CLEC3B: variants seen among roughly 807,000 people sequenced by gnomAD.
CLEC3B encodes tetranectin.
Under a neutral mutation model 15.4 loss-of-function variants are expected in CLEC3B, and 13 were observed. The observed-to-expected ratio is 0.84, with a 90% CI of 0.55 to 1.34. The LOEUF is 1.34. CLEC3B is among the 40% of genes most tolerant of loss of function. The probability of loss-of-function intolerance (pLI) is 0.00; values close to 1 mark genes in which losing one functional copy is unlikely to be tolerated. For synonymous variants in CLEC3B, 112 were observed against 114.7 expected (o/e 0.98, Z 0.15); for missense variants, 242 against 268.6 (o/e 0.90, Z 0.69).
chr3:45,026,846 A>C (rs377210884), intron 1 of CLEC3B, among the ~76,000 whole-genome samples: 30 of 152,342 alleles, frequency 2.0e-4, no homozygotes, highest in East Asian at 1.4e-3. Context: ...TCTCAACTGT[A>C]AAATGGGGAC....
rs975093854 is a variant in CLEC3B at position 45,030,922 on chromosome 3, A to G, written c.205A>G (p.Thr69Ala). ...GCTGAAGGAGCAGCAGGCCCTGCAG[A>G]CGGGTGAGTGCAGGCAGTAGCCTCT... ...ALLKEQQALQ[T>A]VCLKGTKVHM... The change falls in exon 2 of 3, where the codon ACG becomes GCG. Residue 69 changes from threonine (T) to alanine (A), a missense_variant. By Grantham distance (58) the Thr-to-Ala change is moderately conservative. Coordinates refer to ENST00000296130, the MANE Select transcript of CLEC3B (RefSeq NM_003278.3). The G allele has an allele frequency of 5.1e-6, 8 of 1,568,148 alleles. No individual in the cohort carries two copies. The African/African-American group carries it at 8.1e-5, about 16-fold the overall frequency.
Position 45,035,825 on chromosome 3 carries a change from C to T in CLEC3B, c.510C>T (p.Thr170=). 6.2e-7 allele frequency: 1 copy of T among 1,613,290 alleles called. No individual in the cohort carries two copies. Among genetic ancestry groups the T allele is most frequent in the Non-Finnish European group, 8.5e-7 (1 of 1,179,968 alleles). The part of the protein sequence containing the change: ...EITAQPDGGK[T]ENCAVLSGAA... ...CCGCGCAACCCGATGGCGGCAAGAC[C>T]GAGAACTGCGCGGTCCTGTCAGGCG... Residue 170 remains threonine (T), a synonymous_variant, in exon 3 of 3, where the codon ACC becomes ACT. Transcript: ENST00000296130.
At chr3:45,030,712 G>T in intron 1 of CLEC3B, 115 bp from the exon 2 acceptor site, 3 of 703,992 alleles carry the variant, frequency 4.3e-6, no homozygotes, top group Non-Finnish European at 4.9e-6. Flanking sequence ...GAGAGAGAAA[G>T]TTTCCCAAGA....
At position 45,035,616 on chromosome 3, in the gene CLEC3B, C is replaced by A; in HGVS notation, c.301C>A (p.Arg101Ser). Residue 101 changes from arginine to serine, a missense_variant, in exon 3 of 3, where the codon CGC becomes AGC. By Grantham distance (110) the Arg-to-Ser change is moderately radical (BLOSUM62 -1). Coordinates refer to ENST00000296130, the MANE Select transcript of CLEC3B (RefSeq NM_003278.3). ...CGAGGCCAGCGAGGACTGCATCTCG[C>A]GCGGGGGCACCCTGGGCACCCCTCA... ...FHEASEDCIS[R>S]GGTLGTPQTG... is the part of the protein sequence containing the mutation. 6.2e-7 allele frequency: 1 copy of A among 1,614,140 alleles called. No individual in the cohort carries two copies. Among genetic ancestry groups the A allele is most frequent in the Non-Finnish European group, 8.5e-7 (1 of 1,180,044 alleles).
chr3:45,030,563 C>T (rs1697539435), intron 1 of CLEC3B, among the ~76,000 whole-genome samples: 1 of 152,182 alleles, frequency 6.6e-6, no homozygotes, highest in Admixed American at 6.5e-5. Context: ...CCTACACCCT[C>T]ACCCCTGCCT....
At position 45,035,695 on chromosome 3, in the gene CLEC3B, A is replaced by T; in HGVS notation, c.380A>T (p.Asn127Ile). The T allele has an allele frequency of 1.9e-6, 3 of 1,613,848 alleles. No individual in the cohort carries two copies. The highest frequency in any genetic ancestry group is 2.5e-6 in the Non-Finnish European group (3 of 1,180,016). Reference protein sequence around the residue: ...LYEYLRQSVGNEAEIWLGLND... With the variant: ...LYEYLRQSVGIEAEIWLGLND... ...GAGTACCTGCGCCAGAGCGTGGGCA[A>T]CGAGGCCGAGATCTGGCTGGGCCTC... Residue 127 changes from asparagine (N) to isoleucine (I), a missense_variant, in exon 3 of 3, where the codon AAC (asparagine) becomes ATC (isoleucine). Coordinates refer to ENST00000296130, the MANE Select transcript of CLEC3B (RefSeq NM_003278.3).
rs1213404441 is a variant in CLEC3B at position 45,035,628 on chromosome 3, C to T, written c.313C>T (p.Leu105=). ...GGACTGCATCTCGCGCGGGGGCACC[C>T]TGGGCACCCCTCAGACTGGCTCGGA... is the stretch of plus-strand genomic sequence containing the variant. ...SEDCISRGGT[L]GTPQTGSEND... The change falls in exon 3 of 3, where the codon CTG becomes TTG. Residue 105 remains leucine (L), a synonymous_variant. Transcript: ENST00000296130. 10 of 1,614,002 alleles carry T rather than the reference C, an allele frequency of 6.2e-6. No homozygotes were observed. The highest frequency in any genetic ancestry group is 8.5e-6 in the Non-Finnish European group (10 of 1,180,040).
At chr3:45,034,803 C>T (rs1483080748) in intron 2 of CLEC3B, among the ~76,000 whole-genome samples, 2 of 152,228 alleles carry the variant, frequency 1.3e-5, no homozygotes, top group Non-Finnish European at 2.9e-5. Flanking sequence ...CTCTTGCAGT[C>T]TCAGCTCTAT....
rs768484455 is a variant in CLEC3B, at chr3:45,028,366, G to C, written c.109+1895G>C. Reference sequence around the variant, plus strand: ...AGGCCAGGAGTTCAAGACAAGTCTGGCCAACATGGTGAAACCCTGTCTCTA... The same window carrying C: ...AGGCCAGGAGTTCAAGACAAGTCTGCCCAACATGGTGAAACCCTGTCTCTA... On this transcript the variant is annotated intron_variant, in intron 1 of 2. Coordinates refer to ENST00000296130, the MANE Select transcript of CLEC3B (RefSeq NM_003278.3). 2.0e-5 allele frequency among the ~76,000 whole-genome samples: 3 copies of C among 152,286 alleles called. No individual in the cohort carries two copies. In the East Asian group the frequency reaches 5.8e-4, roughly 29 times the overall value.
intron 1 of CLEC3B, among the ~76,000 whole-genome samples, chr3:45,027,719 C>T (rs1448143711): frequency 6.6e-6 from 1 of 152,076 alleles, no homozygotes; most frequent in Non-Finnish European, 1.5e-5. Flanking sequence ...TGTATATTAC[C>T]TTCCACAAAA....
intron 2 of CLEC3B, 83 bp downstream of exon 2, chr3:45,031,008 C>T (rs1697546323): frequency 1.1e-6 from 1 of 951,992 alleles, no homozygotes. Flanking sequence ...CTTCTCGCCT[C>T]CGTTCAGCAT....
chr3:45,028,145 C>T (rs1007022204), intron 1 of CLEC3B, among the ~76,000 whole-genome samples: 5 of 152,212 alleles, frequency 3.3e-5, no homozygotes, highest in Admixed American at 6.5e-5. Flanking sequence ...TCTTTCTCCA[C>T]GTAGGCACCA....
Position 45,036,005 on chromosome 3 carries a change from C to T in CLEC3B, c.*81C>T, listed in dbSNP as rs1697640640. The stretch of plus-strand genomic sequence containing the variant: ...GGGAGGAGGGTGGGGACCTTGCAGC[C>T]CCCATCCTCTCCGTGCGCTTGGAGC... On this transcript the variant is annotated 3_prime_UTR_variant, in exon 3 of 3. Transcript: ENST00000296130. The T allele has an allele frequency of 7.2e-7, 1 of 1,395,432 alleles. No homozygotes were observed. Among genetic ancestry groups the T allele is most frequent in the East Asian group, 2.5e-5 (1 of 40,328 alleles). 86.4% of individuals were successfully genotyped at this position (1,395,432 alleles called of 1,614,324 possible). A position where few individuals can be genotyped will look rare whatever the true frequency, so the allele number is the denominator to read the frequency against.
At position 45,026,361 on chromosome 3, in the gene CLEC3B, G is replaced by T. The variant is rs761291183; in HGVS notation, c.-2G>T. The T allele has an allele frequency of 3.3e-5, 53 of 1,613,286 alleles. No individual in the cohort carries two copies. The highest frequency in any genetic ancestry group is 4.5e-5 in the Non-Finnish European group (53 of 1,179,654). On this transcript the variant is annotated 5_prime_UTR_variant, in exon 1 of 3. Coordinates refer to ENST00000296130, the MANE Select transcript of CLEC3B (RefSeq NM_003278.3). ...AGCAGCAGCCCCCGCCCGCGCAGCA[G>T]CATGGAGCTCTGGGGGGCCTACCTC...
rs766114460 is a variant in CLEC3B at position 45,035,876 on chromosome 3, G to C, written c.561G>C (p.Lys187Asn). 10 of 1,610,732 alleles carry C rather than the reference G, an allele frequency of 6.2e-6. No homozygotes were observed. In the Admixed American group the frequency reaches 1.7e-4, roughly 27 times the overall value. The part of the protein sequence containing the change: ...SGAANGKWFD[K>N]RCRDQLPYIC... ...CGGCCAACGGCAAGTGGTTCGACAAGCGCTGCCGCGATCAGCTGCCCTACA... is the reference window on the plus strand; with the variant it reads ...CGGCCAACGGCAAGTGGTTCGACAACCGCTGCCGCGATCAGCTGCCCTACA... The change falls in exon 3 of 3, where the codon AAG becomes AAC. Residue 187 changes from lysine to asparagine, a missense_variant. Coordinates refer to ENST00000296130, the MANE Select transcript of CLEC3B (RefSeq NM_003278.3).
In CLEC3B at chr3:45,035,970, G is replaced by A. The variant is rs1252624850; in HGVS notation, c.*46G>A. 3.3e-6 allele frequency: 5 copies of A among 1,498,576 alleles called. No homozygotes were observed. The Admixed American group carries it at 8.3e-5, about 25-fold the overall frequency. The allele number at this position is 1,498,576 out of a possible 1,614,324, so 92.8% of individuals were successfully genotyped here. On this transcript the variant is annotated 3_prime_UTR_variant, in exon 3 of 3. Transcript: ENST00000296130. ...GGGGGCCTGGAGGAGGGCAGGGGCC[G>A]CGGGAGGCCGGGAGGAGGGTGGGGA...
In CLEC3B at chr3:45,035,695, A is replaced by G. The variant is rs201235759; in HGVS notation, c.380A>G (p.Asn127Ser). The G allele has an allele frequency of 4.3e-5, 69 of 1,613,848 alleles. No individual in the cohort carries two copies. The East Asian group carries it at 1.4e-3, about 32-fold the overall frequency. ...GAGTACCTGCGCCAGAGCGTGGGCA[A>G]CGAGGCCGAGATCTGGCTGGGCCTC... ...LYEYLRQSVGNEAEIWLGLND... is the reference protein window; with the variant it reads ...LYEYLRQSVGSEAEIWLGLND... The change falls in exon 3 of 3, where the codon AAC (asparagine) becomes AGC (serine). Residue 127 changes from asparagine (N) to serine (S), a missense_variant. By Grantham distance (46) the Asn-to-Ser change is conservative (BLOSUM62 1). Coordinates refer to ENST00000296130, the MANE Select transcript of CLEC3B (RefSeq NM_003278.3).
chr3:45,034,558 G>A (rs888534204), intron 2 of CLEC3B: 20 of 152,208 alleles, frequency 1.3e-4, no homozygotes, highest in Non-Finnish European at 2.4e-4. Context: ...AAAGGTGAAC[G>A]ATTTATACGA....
Position 45,035,913 on chromosome 3 carries a change from G to C in CLEC3B, c.598G>C (p.Gly200Arg). Residue 200 changes from glycine (G) to arginine (R), a missense_variant, in exon 3 of 3, where the codon GGG (glycine) becomes CGG (arginine). Coordinates refer to ENST00000296130, the MANE Select transcript of CLEC3B (RefSeq NM_003278.3). ...RDQLPYICQFGIV is the reference protein window; with the variant it reads ...RDQLPYICQFRIV ...TCAGCTGCCCTACATCTGCCAGTTC[G>C]GGATCGTGTAGCCGGCGGGGCGGGG... is the stretch of plus-strand genomic sequence containing the variant. 4 of 1,595,684 alleles carry C rather than the reference G, an allele frequency of 2.5e-6. No individual in the cohort carries two copies. The highest frequency in any genetic ancestry group is 1.7e-4 in the Middle Eastern group (1 of 5,996).
Sources: gnomAD v4.1 joint callset for allele counts (sites outside exome capture counted in the v4.1 genomes callset) on GRCh38, gnomAD v4.1.1 for gene constraint, MANE v1.5 for transcripts, NCBI Gene and HGNC (gene_info 2026-07-23, HGNC 2026-07-21) for gene names.